The following KHDRBS3 variants were observed in gnomAD, a reference collection of about 807,000 sequenced individuals.
KHDRBS3 encodes KH domain-containing, RNA-binding, signal transduction-associated protein 3.
Under a neutral mutation model 45.6 loss-of-function variants are expected in KHDRBS3, and 23 were observed. The observed-to-expected ratio is 0.50, with a 90% confidence interval of 0.36 to 0.72. The LOEUF (loss-of-function observed/expected upper bound fraction) is 0.72. Among genes scored for constraint, KHDRBS3 ranks in the 30% least tolerant of loss-of-function variants. KHDRBS3 has a pLI of 0.00. For missense variants in KHDRBS3, 352 were observed against 424.8 expected (o/e 0.83, Z 1.51); for synonymous variants, 162 against 156.5 (o/e 1.04, Z -0.26).
intron 1 of KHDRBS3, among the ~76,000 whole-genome samples, chr8:135,492,443 A>G (rs181273248): frequency 4.9e-4 from 75 of 151,900 alleles, no homozygotes; most frequent in African/African-American, 1.7e-3. Context: ...AGGAATATTG[A>G]GATATATGTT....
At chr8:135,596,199 C>T (rs931364739) in intron 6 of KHDRBS3, among the ~76,000 whole-genome samples, 1 of 152,168 alleles carries the variant, frequency 6.6e-6, no homozygotes, top group Admixed American at 6.5e-5. Flanking sequence ...ATGTTATACA[C>T]AGTGGATGTC....
chr8:135,589,446 G>A (rs965445555), intron 6 of KHDRBS3, among the ~76,000 whole-genome samples: 2 of 152,084 alleles, frequency 1.3e-5, no homozygotes, highest in African/African-American at 4.8e-5. Context: ...TGACTAACCC[G>A]ACTGTCATTT....
At chr8:135,566,394 TAAAGCC>T (rs1255851255) in intron 5 of KHDRBS3, among the ~76,000 whole-genome samples, 1 of 152,170 alleles carries the variant, frequency 6.6e-6, no homozygotes, top group Non-Finnish European at 1.5e-5. Flanking sequence ...AATGTTATAA[TAAAGCC>T]AAAGCCAAAG....
intron 2 of KHDRBS3, among the ~76,000 whole-genome samples, chr8:135,534,193 T>C (rs1825619889): frequency 6.7e-6 from 1 of 149,722 alleles, no homozygotes; most frequent in South Asian, 2.1e-4. Flanking sequence ...ACTAATATCC[T>C]TTATTTTACA....
chr8:135,512,875 A>G (rs972906312), intron 1 of KHDRBS3, among the ~76,000 whole-genome samples: 1 of 152,196 alleles, frequency 6.6e-6, no homozygotes, highest in Non-Finnish European at 1.5e-5. Flanking sequence ...TGTGAAGGAT[A>G]TTATCAATTC....
At chr8:135,633,482 G>A (rs898961193) in intron 7 of KHDRBS3, among the ~76,000 whole-genome samples, 2 of 152,198 alleles carry the variant, frequency 1.3e-5, no homozygotes, top group Non-Finnish European at 2.9e-5. Flanking sequence ...AATCAGGTGA[G>A]TCTGCTTTCC....
At chr8:135,524,616 C>T (rs758567262) in intron 2 of KHDRBS3, among the ~76,000 whole-genome samples, 9 of 151,062 alleles carry the variant, frequency 6.0e-5, no homozygotes, top group Admixed American at 4.0e-4. Flanking sequence ...TTTTTCTGAT[C>T]GTTTCTCCTC....
chr8:135,462,469 CTG>C (rs1271916249), intron 1 of KHDRBS3, among the ~76,000 whole-genome samples: 1 of 152,096 alleles, frequency 6.6e-6, no homozygotes, highest in African/African-American at 2.4e-5. Context: ...CTGCTCTCCT[CTG>C]TGTGCGTTTG....
intron 1 of KHDRBS3, among the ~76,000 whole-genome samples, chr8:135,511,426 T>A (rs1420721796): frequency 6.6e-6 from 1 of 152,220 alleles, no homozygotes; most frequent in Non-Finnish European, 1.5e-5. Context: ...TTTCTTTTCC[T>A]CCTGTCTTCC....
At chr8:135,621,818 T>C (rs1353893481) in intron 7 of KHDRBS3, among the ~76,000 whole-genome samples, 1 of 152,106 alleles carries the variant, frequency 6.6e-6, no homozygotes, top group East Asian at 1.9e-4. Context: ...GAAGGTGCAC[T>C]AAGTGTCTAT....
At chr8:135,594,090 A>G (rs1049547223) in intron 6 of KHDRBS3, among the ~76,000 whole-genome samples, 2 of 152,232 alleles carry the variant, frequency 1.3e-5, no homozygotes, top group Non-Finnish European at 2.9e-5. Context: ...GTTTATTGTC[A>G]TCTTTATACA....
intron 7 of KHDRBS3, among the ~76,000 whole-genome samples, chr8:135,631,072 G>T: frequency 6.6e-6 from 1 of 151,908 alleles, no homozygotes; most frequent in South Asian, 2.1e-4. Flanking sequence ...AACATGGTGA[G>T]ACCCCATCTC....
At chr8:135,633,690 A>G (rs1428385968) in intron 7 of KHDRBS3, among the ~76,000 whole-genome samples, 1 of 152,152 alleles carries the variant, frequency 6.6e-6, no homozygotes, top group African/African-American at 2.4e-5. Flanking sequence ...CCTGGGAGAT[A>G]AATTTTCAGT....
intron 7 of KHDRBS3, among the ~76,000 whole-genome samples, chr8:135,611,918 A>G (rs951518685): frequency 4.0e-5 from 6 of 151,894 alleles, no homozygotes; most frequent in Non-Finnish European, 8.8e-5. Context: ...TTTTCAGATC[A>G]TCCCCAGTAT....
intron 1 of KHDRBS3, among the ~76,000 whole-genome samples, chr8:135,472,070 A>C (rs964110002): frequency 3.9e-5 from 6 of 152,210 alleles, no homozygotes; most frequent in African/African-American, 1.4e-4. Flanking sequence ...GACAGCAATG[A>C]ATTCATTCTT....
At chr8:135,615,104 G>A (rs542343460) in intron 7 of KHDRBS3, among the ~76,000 whole-genome samples, 5 of 151,904 alleles carry the variant, frequency 3.3e-5, no homozygotes, top group Admixed American at 1.3e-4. Flanking sequence ...CAGATACTGA[G>A]GGTGATCAGA....
At chr8:135,479,585 T>C (rs1394210388) in intron 1 of KHDRBS3, among the ~76,000 whole-genome samples, 2 of 152,192 alleles carry the variant, frequency 1.3e-5, no homozygotes, top group African/African-American at 4.8e-5. Context: ...TCCTCATGAA[T>C]GGCACCTTCT....
intron 7 of KHDRBS3, among the ~76,000 whole-genome samples, chr8:135,612,684 T>C (rs1219892489): frequency 6.6e-6 from 1 of 151,850 alleles, no homozygotes; most frequent in Non-Finnish European, 1.5e-5. Context: ...TCACTTGGCC[T>C]CCTTTTAGAG....
intron 1 of KHDRBS3, among the ~76,000 whole-genome samples, chr8:135,512,829 G>A (rs1056625186): frequency 1.3e-5 from 2 of 152,166 alleles, no homozygotes; most frequent in East Asian, 3.9e-4. Flanking sequence ...AATATATTCT[G>A]TTGTGGTACA....
Sources: gnomAD v4.1 joint callset for allele counts (sites outside exome capture counted in the v4.1 genomes callset) on GRCh38, gnomAD v4.1.1 for gene constraint, MANE v1.5 for transcripts, NCBI Gene and HGNC (gene_info 2026-07-23, HGNC 2026-07-21) for gene names.